Variants in KCNQ3 observed in about 807,000 individuals in gnomAD.
KCNQ3 encodes the protein potassium voltage-gated channel subfamily Q member 3.
A neutral mutation model predicts 92.5 loss-of-function variants in KCNQ3; 30 were observed. The observed-to-expected ratio is 0.32, with a 90% CI of 0.24 to 0.44. The LOEUF (loss-of-function observed/expected upper bound fraction) is 0.44, where lower values mean the gene tolerates loss of function less well. Among genes scored for constraint, KCNQ3 ranks in the 20% least tolerant of loss-of-function variants. The pLI, the probability that KCNQ3 is intolerant of heterozygous loss-of-function variation, is 1.00. For missense variants in KCNQ3, 913 were observed against 1,140.3 expected (o/e 0.80, Z 2.87); for synonymous variants, 450 against 468.8 (o/e 0.96, Z 0.52).
chr8:132,281,143 T>G (rs1235844193), intron 1 of KCNQ3, among the ~76,000 whole-genome samples: 1 of 152,136 alleles, frequency 6.6e-6, no homozygotes, highest in Admixed American at 6.5e-5. Flanking sequence ...GTGGATAAGA[T>G]ATCATTAACT....
chr8:132,471,676 A>C (rs1446824020), intron 1 of KCNQ3, among the ~76,000 whole-genome samples: 3 of 152,178 alleles, frequency 2.0e-5, no homozygotes, highest in African/African-American at 7.2e-5. Flanking sequence ...AATCCTTGAG[A>C]GAATAGAGGA....
intron 10 of KCNQ3, 97 bp from the exon 11 acceptor site, chr8:132,140,275 G>A (rs1422209445): frequency 2.6e-6 from 2 of 766,656 alleles, no homozygotes; most frequent in Non-Finnish European, 4.5e-6. Flanking sequence ...CTCTGGATGT[G>A]TCAATCCCCA....
intron 1 of KCNQ3, among the ~76,000 whole-genome samples, chr8:132,386,522 C>T (rs1217654520): frequency 1.3e-5 from 2 of 151,876 alleles, no homozygotes; most frequent in African/African-American, 2.4e-5. Flanking sequence ...ATATAAATTA[C>T]CAAAGTGAGT....
At chr8:132,455,043 G>A (rs889685970) in intron 1 of KCNQ3, among the ~76,000 whole-genome samples, 1 of 152,188 alleles carries the variant, frequency 6.6e-6, no homozygotes, top group Non-Finnish European at 1.5e-5. Context: ...TTACTGTGTA[G>A]TGAGTACAAA....
At chr8:132,246,971 T>C (rs922809701) in intron 1 of KCNQ3, among the ~76,000 whole-genome samples, 2 of 152,204 alleles carry the variant, frequency 1.3e-5, no homozygotes, top group African/African-American at 4.8e-5. Flanking sequence ...ATAAAGTACT[T>C]GCCAATAGCC....
At chr8:132,456,658 A>T (rs756022558) in intron 1 of KCNQ3, among the ~76,000 whole-genome samples, 4 of 151,670 alleles carry the variant, frequency 2.6e-5, no homozygotes, top group Non-Finnish European at 5.9e-5. Context: ...CCCAGGCTGC[A>T]GTGCAGTGGT....
intron 11 of KCNQ3, among the ~76,000 whole-genome samples, chr8:132,138,881 G>T (rs541381486): frequency 2.0e-5 from 3 of 152,256 alleles, no homozygotes; most frequent in South Asian, 4.1e-4. Context: ...TAATTTGCTT[G>T]CCATCCTTCC....
rs1210276680 is a variant in KCNQ3, at chr8:132,417,156, C to T, written c.386+62991G>A. On this transcript the variant is annotated intron_variant, in intron 1 of 14. Coordinates refer to ENST00000388996, the MANE Select transcript of KCNQ3 (RefSeq NM_004519.4). ...CAAACATTGAAAGTGGGCAACATCC[C>T]GTATAGAGACTATTTACAAAGGTGA... Among the ~76,000 whole-genome samples the T allele has an allele frequency of 3.9e-5, 6 of 152,264 alleles. No individual in the cohort carries two copies. The East Asian group carries it at 7.7e-4, about 20-fold the overall frequency.
At chr8:132,386,020 A>G (rs1364492862) in intron 1 of KCNQ3, among the ~76,000 whole-genome samples, 1 of 152,030 alleles carries the variant, frequency 6.6e-6, no homozygotes, top group African/African-American at 2.4e-5. Context: ...AAAATAAATT[A>G]AAGGGCCCTG....
intron 1 of KCNQ3, among the ~76,000 whole-genome samples, chr8:132,347,117 C>A (rs1047495008): frequency 6.6e-6 from 1 of 152,120 alleles, no homozygotes; most frequent in Non-Finnish European, 1.5e-5. Context: ...TACCCCTGGG[C>A]TGGATATTTT....
chr8:132,297,468 C>T (rs567910722), intron 1 of KCNQ3, among the ~76,000 whole-genome samples: 18 of 152,264 alleles, frequency 1.2e-4, no homozygotes, highest in African/African-American at 4.3e-4. Flanking sequence ...ACTCTGATTT[C>T]ATGAACAGTG....
chr8:132,293,162 T>C (rs1446340656), intron 1 of KCNQ3, among the ~76,000 whole-genome samples: 2 of 152,178 alleles, frequency 1.3e-5, no homozygotes, highest in Admixed American at 6.5e-5. Flanking sequence ...TTCATCTATA[T>C]CCTTTGTAAT....
chr8:132,391,660 G>T (rs1472800851), intron 1 of KCNQ3, among the ~76,000 whole-genome samples: 3 of 152,184 alleles, frequency 2.0e-5, no homozygotes, highest in Non-Finnish European at 1.5e-5. Context: ...CTGGTCTACA[G>T]CTATCAGAAG....
chr8:132,390,404 T>C (rs1009263286), intron 1 of KCNQ3, among the ~76,000 whole-genome samples: 4 of 152,190 alleles, frequency 2.6e-5, no homozygotes. Context: ...TTGTTCTCTT[T>C]ACAGTAATTC....
intron 1 of KCNQ3, among the ~76,000 whole-genome samples, chr8:132,303,673 T>TAC (rs1817317442): frequency 3.0e-5 from 1 of 33,802 alleles, no homozygotes; most frequent in Admixed American, 4.1e-4. Flanking sequence ...TGTGTATATA[T>TAC]ATATACACAC....
At chr8:132,397,008 A>G (rs945145465) in intron 1 of KCNQ3, among the ~76,000 whole-genome samples, 3 of 151,798 alleles carry the variant, frequency 2.0e-5, no homozygotes, top group African/African-American at 7.3e-5. Flanking sequence ...GAGATTTAAG[A>G]GAGTCAGGGA....
At chr8:132,354,068 G>T (rs1466096731) in intron 1 of KCNQ3, among the ~76,000 whole-genome samples, 4 of 152,326 alleles carry the variant, frequency 2.6e-5, no homozygotes, top group East Asian at 1.9e-4. Context: ...CCAAACAGGA[G>T]CTTGAATAGC....
chr8:132,389,451 C>G (rs1819990046), intron 1 of KCNQ3, among the ~76,000 whole-genome samples: 1 of 152,150 alleles, frequency 6.6e-6, no homozygotes, highest in Non-Finnish European at 1.5e-5. Context: ...TCAAAACAAA[C>G]AAAAACCTTT....
chr8:132,402,415 C>T (rs1261382170), intron 1 of KCNQ3, among the ~76,000 whole-genome samples: 1 of 152,164 alleles, frequency 6.6e-6, no homozygotes, highest in Non-Finnish European at 1.5e-5. Flanking sequence ...AAATAGAAAC[C>T]TTCAGCACAT....
Sources: gnomAD v4.1 joint callset for allele counts (sites outside exome capture counted in the v4.1 genomes callset) on GRCh38, gnomAD v4.1.1 for gene constraint, MANE v1.5 for transcripts, NCBI Gene and HGNC (gene_info 2026-07-23, HGNC 2026-07-21) for gene names.